The following GLI3 variants were observed in gnomAD, a reference collection of about 807,000 sequenced individuals.
GLI3 encodes the protein transcription activator GLI3.
In GLI3, 20 loss-of-function variants were observed where a neutral mutation model predicts 100.8. The observed-to-expected ratio is 0.20, with a 90% CI of 0.14 to 0.29. The LOEUF (loss-of-function observed/expected upper bound fraction) is 0.29, where lower values mean the gene tolerates loss of function less well. Among genes scored for constraint, GLI3 ranks in the 10% least tolerant of loss-of-function variants. The pLI is 1.00. For missense variants in GLI3, 2,040 were observed against 2,128.5 expected (o/e 0.96, Z 0.82); for synonymous variants, 938 against 860.5 (o/e 1.09, Z -1.58).
intron 3 of GLI3, among the ~76,000 whole-genome samples, chr7:42,086,729 G>A (rs904275759): frequency 6.6e-6 from 1 of 151,998 alleles, no homozygotes. Flanking sequence ...CCATGGGATC[G>A]AGTGCTCCTT....
chr7:42,008,473 C>T (rs940849110), intron 10 of GLI3, among the ~76,000 whole-genome samples: 4 of 152,152 alleles, frequency 2.6e-5, no homozygotes, highest in Non-Finnish European at 5.9e-5. Context: ...ATGGGGTCTC[C>T]CTATGTTGCA....
At position 42,225,940 on chromosome 7, in the gene GLI3, A is replaced by G. The variant is rs973485837; in HGVS notation, c.-42-2645T>C. 2.0e-4 allele frequency among the ~76,000 whole-genome samples: 31 copies of G among 152,230 alleles called. 2 individuals are homozygous for G. Among genetic ancestry groups the G allele is most frequent in the Non-Finnish European group, 2.9e-5 (2 of 68,044 alleles). On this transcript the variant is annotated intron_variant, in intron 1 of 14. Coordinates refer to ENST00000395925, the MANE Select transcript of GLI3 (RefSeq NM_000168.6). ...TCACGTAAGAATGTTTACTGAGTAC[A>G]TAAATGATCGCATCAATGACCCTGT...
chr7:42,228,075 G>T (rs936714300), intron 1 of GLI3, among the ~76,000 whole-genome samples: 7 of 152,174 alleles, frequency 4.6e-5, no homozygotes, highest in Non-Finnish European at 1.0e-4. Context: ...GAGGTCCCAG[G>T]CCGCGGCGGC....
In GLI3 at chr7:41,962,597, T is replaced by C. The variant is rs915415418; in HGVS notation, c.*1733A>G. 1 of 152,196 alleles carries C rather than the reference T, an allele frequency of 6.6e-6. No homozygotes were observed. The highest frequency in any genetic ancestry group is 1.9e-4 in the East Asian group (1 of 5,192). The allele number at this position is 152,196 out of a possible 1,614,324, so 9.4% of individuals were successfully genotyped here. A position where few individuals can be genotyped will look rare whatever the true frequency, so the allele number is the denominator to read the frequency against. On this transcript the variant is annotated 3_prime_UTR_variant, in exon 15 of 15. Transcript: ENST00000395925. Reference sequence around the variant, plus strand: ...AACATCTAGTTGAAAGCAAACCTAATAGTCTTAGCCAAAGTCCCCAGTGGC... The same window carrying C: ...AACATCTAGTTGAAAGCAAACCTAACAGTCTTAGCCAAAGTCCCCAGTGGC...
At chr7:42,158,654 C>T (rs1356703002) in intron 2 of GLI3, among the ~76,000 whole-genome samples, 3 of 152,024 alleles carry the variant, frequency 2.0e-5, no homozygotes, top group Non-Finnish European at 4.4e-5. Context: ...CTACACCCAG[C>T]TAATTTTTGT....
chr7:42,174,336 G>T (rs1787436385), intron 2 of GLI3, among the ~76,000 whole-genome samples: 1 of 152,140 alleles, frequency 6.6e-6, no homozygotes, highest in Non-Finnish European at 1.5e-5. Flanking sequence ...AATTGACCCA[G>T]AAATTCTAAT....
chr7:42,161,764 C>G (rs1787135312), intron 2 of GLI3, among the ~76,000 whole-genome samples: 1 of 152,182 alleles, frequency 6.6e-6, no homozygotes, highest in Admixed American at 6.5e-5. Context: ...ATGAAAGAGG[C>G]ATATCCAAGA....
chr7:42,005,668 T>C (rs934264990), intron 10 of GLI3, among the ~76,000 whole-genome samples: 4 of 152,122 alleles, frequency 2.6e-5, no homozygotes, highest in East Asian at 1.9e-4. Flanking sequence ...CACCGACCCA[T>C]TGGGCTCTGC....
chr7:42,182,666 A>ATATATATATACATGTGTGTGTG (rs1787630585), intron 2 of GLI3, among the ~76,000 whole-genome samples: 1 of 79,162 alleles, frequency 1.3e-5, no homozygotes, highest in African/African-American at 5.6e-5. Flanking sequence ...ATATATATAT[A>ATATATATATACATGTGTGTGTG]TATATATATA....
At chr7:42,121,995 CCT>C (rs1786011801) in intron 3 of GLI3, among the ~76,000 whole-genome samples, 2 of 152,096 alleles carry the variant, frequency 1.3e-5, no homozygotes, top group African/African-American at 2.4e-5. Context: ...TCCCCTCTCC[CCT>C]TGGCTTGAGG....
At chr7:41,996,291 T>C (rs1442693185) in intron 10 of GLI3, among the ~76,000 whole-genome samples, 4 of 152,190 alleles carry the variant, frequency 2.6e-5, no homozygotes, top group Non-Finnish European at 4.4e-5. Flanking sequence ...AACAATTATT[T>C]TTTTTTTCCT....
At position 42,088,939 on chromosome 7, in the gene GLI3, A is replaced by G. The variant is rs552411180; in HGVS notation, c.368-12082T>C. 4.6e-5 allele frequency among the ~76,000 whole-genome samples: 7 copies of G among 152,266 alleles called. No individual in the cohort carries two copies. The South Asian group carries it at 1.5e-3, about 32-fold the overall frequency. On this transcript the variant is annotated intron_variant, in intron 3 of 14. Transcript: ENST00000395925. Reference sequence around the variant, plus strand: ...TCTCACTGGCCCTTCATCTGGACTCAGCAGCTGCTTACCTTGTCTAACAAG... The same window carrying G: ...TCTCACTGGCCCTTCATCTGGACTCGGCAGCTGCTTACCTTGTCTAACAAG...
chr7:42,203,876 G>C (rs1337149587), intron 2 of GLI3, among the ~76,000 whole-genome samples: 1 of 152,102 alleles, frequency 6.6e-6, no homozygotes, highest in Non-Finnish European at 1.5e-5. Flanking sequence ...GTACAAGCCT[G>C]TAATCCCAGC....
intron 1 of GLI3, among the ~76,000 whole-genome samples, chr7:42,231,832 T>G (rs1788700958): frequency 6.6e-6 from 1 of 152,106 alleles, no homozygotes; most frequent in Admixed American, 6.5e-5. Context: ...AGTCTCTCTT[T>G]GTACAAATCA....
chr7:42,123,010 G>C (rs1307514357), intron 3 of GLI3, among the ~76,000 whole-genome samples: 5 of 152,112 alleles, frequency 3.3e-5, no homozygotes, highest in African/African-American at 1.2e-4. Context: ...CACCTCTACT[G>C]TTTTCTTATG....
intron 1 of GLI3, among the ~76,000 whole-genome samples, chr7:42,246,233 T>C (rs1788970482): frequency 6.6e-6 from 1 of 152,202 alleles, no homozygotes; most frequent in African/African-American, 2.4e-5. Flanking sequence ...TCCATGTGCC[T>C]GGAGTAGAAA....
chr7:42,055,265 A>T (rs1175666700), intron 4 of GLI3, among the ~76,000 whole-genome samples: 2 of 152,036 alleles, frequency 1.3e-5, no homozygotes, highest in African/African-American at 2.4e-5. Context: ...GCTTTCAGAT[A>T]ACCTCTGCCC....
intron 2 of GLI3, among the ~76,000 whole-genome samples, chr7:42,213,423 A>G (rs895319699): frequency 6.6e-6 from 1 of 152,164 alleles, no homozygotes; most frequent in Non-Finnish European, 1.5e-5. Context: ...CCCTATTTGT[A>G]ATAGCAGTCT....
intron 10 of GLI3, among the ~76,000 whole-genome samples, chr7:42,010,182 G>GC (rs1562683461): frequency 6.6e-6 from 1 of 152,182 alleles, no homozygotes; most frequent in Non-Finnish European, 1.5e-5. Context: ...TTGACACTCG[G>GC]AGCTGCTCCT....
Sources: gnomAD v4.1 joint callset for allele counts (sites outside exome capture counted in the v4.1 genomes callset) on GRCh38, gnomAD v4.1.1 for gene constraint, MANE v1.5 for transcripts, NCBI Gene and HGNC (gene_info 2026-07-23, HGNC 2026-07-21) for gene names.